The following PLXNA4 variants were observed in gnomAD, a reference collection of about 807,000 sequenced individuals.
The protein encoded by PLXNA4 is plexin A4.
A neutral mutation model predicts 191.8 loss-of-function variants in PLXNA4; 44 were observed. That is an observed-to-expected ratio of 0.23 (90% CI 0.18 to 0.29). The LOEUF is 0.29. Ranked by LOEUF, PLXNA4 falls within the 10% of genes least tolerant of loss-of-function variation. The pLI, the probability that PLXNA4 is intolerant of heterozygous loss-of-function variation, is 1.00. For synonymous variants in PLXNA4, 1,082 were observed against 1,009.5 expected, an observed-to-expected ratio of 1.07 and a Z score of -1.36; for missense variants, 1,800 against 2,488.8, an observed-to-expected ratio of 0.72 and a Z score of 5.89.
At chr7:132,457,547 T>C (rs1796356600) in intron 3 of PLXNA4, among the ~76,000 whole-genome samples, 1 of 152,178 alleles carries the variant, frequency 6.6e-6, no homozygotes. Context: ...AGAAAATACC[T>C]CCCTGTGTGG....
intron 1 of PLXNA4, among the ~76,000 whole-genome samples, chr7:132,562,025 CTCCTTCTCCTCCTCT>C (rs1298540660): frequency 1.0e-4 from 10 of 98,614 alleles, no homozygotes; most frequent in African/African-American, 3.1e-4. Context: ...CCTCCTCCTC[CTCCTTCTCCTCCTCT>C]TCCTCCTCCT....
At chr7:132,603,531 C>A (rs921734918) in intron 2 of PLXNA4, among the ~76,000 whole-genome samples, 68 of 152,296 alleles carry the variant, frequency 4.5e-4, no homozygotes, top group African/African-American at 1.6e-3. Flanking sequence ...ACGAGCCCAG[C>A]CTCTAATATG....
chr7:132,560,098 T>G (rs934950934), intron 1 of PLXNA4, among the ~76,000 whole-genome samples: 2 of 152,186 alleles, frequency 1.3e-5, no homozygotes, highest in Non-Finnish European at 2.9e-5. Flanking sequence ...GAATGTGGGA[T>G]TAGACCAACA....
At chr7:132,142,228 C>T (rs557840082) in intron 29 of PLXNA4, among the ~76,000 whole-genome samples, 4 of 152,314 alleles carry the variant, frequency 2.6e-5, no homozygotes, top group Non-Finnish European at 5.9e-5. Flanking sequence ...TATAATCCTA[C>T]GGCTTCCAAC....
At chr7:132,451,294 C>G (rs1405834564) in intron 3 of PLXNA4, among the ~76,000 whole-genome samples, 1 of 152,184 alleles carries the variant, frequency 6.6e-6, no homozygotes, top group Non-Finnish European at 1.5e-5. Context: ...TGTCTGCACC[C>G]TGGGCCTCCT....
At chr7:132,192,828 G>A (rs1356217502) in intron 14 of PLXNA4, among the ~76,000 whole-genome samples, 3 of 152,134 alleles carry the variant, frequency 2.0e-5, no homozygotes, top group Non-Finnish European at 2.9e-5. Context: ...AAAAGCCTCT[G>A]TCCCCTAGAA....
At chr7:132,595,002 TAG>T (rs1563189776) in intron 2 of PLXNA4, among the ~76,000 whole-genome samples, 1 of 142,072 alleles carries the variant, frequency 7.0e-6, no homozygotes, top group African/African-American at 2.8e-5. Context: ...GATAGATAGA[TAG>T]ATAGATAGAT....
intron 9 of PLXNA4, among the ~76,000 whole-genome samples, chr7:132,222,386 C>G (rs562172344): frequency 7.9e-4 from 120 of 152,288 alleles, no homozygotes; most frequent in Middle Eastern, 3.4e-3. Flanking sequence ...AGGGTTTGGC[C>G]AAAGGTAGGA....
intron 3 of PLXNA4, among the ~76,000 whole-genome samples, chr7:132,482,180 T>C (rs1051672891): frequency 1.3e-5 from 2 of 152,074 alleles, no homozygotes; most frequent in Non-Finnish European, 2.9e-5. Flanking sequence ...CTTCCTGGAG[T>C]GTGAGCTGGA....
chr7:132,132,468 C>CTGT (rs1563048357), intron 31 of PLXNA4, among the ~76,000 whole-genome samples: 1,008 of 44,230 alleles, frequency 0.023, 39 homozygotes, highest in African/African-American at 0.036. Flanking sequence ...TTCTGTTCTG[C>CTGT]TCTGCTCTGC....
intron 4 of PLXNA4, among the ~76,000 whole-genome samples, chr7:132,269,889 G>A (rs1257427388): frequency 6.6e-6 from 1 of 152,062 alleles, no homozygotes; most frequent in South Asian, 2.1e-4. Context: ...AGAGGGGAGA[G>A]GGAGCTGTCC....
At chr7:132,261,517 A>T (rs1425489515) in intron 4 of PLXNA4, among the ~76,000 whole-genome samples, 1 of 152,222 alleles carries the variant, frequency 6.6e-6, no homozygotes, top group African/African-American at 2.4e-5. Context: ...TGCCAGTGTC[A>T]CCAGTTCTCT....
intron 3 of PLXNA4, among the ~76,000 whole-genome samples, chr7:132,314,049 G>C (rs1195706880): frequency 6.6e-6 from 1 of 152,112 alleles, no homozygotes; most frequent in Non-Finnish European, 1.5e-5. Context: ...CTCCATGCAT[G>C]ACCCAACATA....
At chr7:132,398,789 C>CG in intron 3 of PLXNA4, among the ~76,000 whole-genome samples, 1 of 152,312 alleles carries the variant, frequency 6.6e-6, no homozygotes, top group Admixed American at 6.5e-5. Context: ...GCCCAGCCCT[C>CG]GCCAGCTCGA....
chr7:132,595,769 T>C lies in PLXNA4; in HGVS notation c.-87+50159A>G, dbSNP rs144697165. On this transcript the variant is annotated intron_variant, in intron 2 of 4. Coordinates refer to the PLXNA4 transcript ENST00000378539. Reference sequence around the variant, plus strand: ...GTGACAAAGTTGCTTCAAATGTATATAAACTGTTTAAGATTAATAAAATGA... The same window carrying C: ...GTGACAAAGTTGCTTCAAATGTATACAAACTGTTTAAGATTAATAAAATGA... Among the ~76,000 whole-genome samples the C allele has an allele frequency of 6.5e-3, 993 of 152,282 alleles. 18 individuals are homozygous for C. Among genetic ancestry groups the C allele is most frequent in the African/African-American group, 0.022 (910 of 41,552 alleles).
intron 3 of PLXNA4, among the ~76,000 whole-genome samples, chr7:132,460,653 A>C (rs1165028148): frequency 6.6e-6 from 1 of 152,128 alleles, no homozygotes; most frequent in Non-Finnish European, 1.5e-5. Flanking sequence ...TTTAAATTCA[A>C]AATTGAGTAT....
intron 27 of PLXNA4, among the ~76,000 whole-genome samples, chr7:132,147,325 G>A (rs191375396): frequency 1.2e-4 from 18 of 152,224 alleles, no homozygotes; most frequent in Admixed American, 9.8e-4. Context: ...CTGTTCAGTC[G>A]GTAGATTTTT....
At chr7:132,632,622 T>C (rs1803515341) in intron 2 of PLXNA4, among the ~76,000 whole-genome samples, 1 of 152,046 alleles carries the variant, frequency 6.6e-6, no homozygotes, top group Non-Finnish European at 1.5e-5. Context: ...TCAAAATAAT[T>C]TGGGGGAGGG....
At chr7:132,632,150 T>TGC (rs1374157667) in intron 2 of PLXNA4, among the ~76,000 whole-genome samples, 7 of 149,212 alleles carry the variant, frequency 4.7e-5, no homozygotes, top group Non-Finnish European at 1.0e-4. Context: ...GCAGGAGAAT[T>TGC]ACTTGAACCC....
Sources: allele counts gnomAD v4.1 joint callset (sites outside exome capture counted in the v4.1 genomes callset), GRCh38; gene constraint gnomAD v4.1.1; transcripts MANE v1.5; gene names NCBI Gene and HGNC (gene_info 2026-07-23, HGNC 2026-07-21).